MAP3K3: variants seen among roughly 807,000 people sequenced by gnomAD.
MAP3K3 encodes the protein MAP/ERK kinase kinase 3.
MAP3K3 carries 12 observed loss-of-function variants against 80.9 expected under a neutral mutation model. That is an observed-to-expected ratio of 0.15 (90% confidence interval 0.10 to 0.24). The LOEUF (loss-of-function observed/expected upper bound fraction) is 0.24. MAP3K3 is among the 10% of genes least tolerant of loss of function. The pLI is 1.00. For missense variants in MAP3K3, 596 were observed against 834.7 expected (o/e 0.71, Z 3.52); for synonymous variants, 272 against 307.1 (o/e 0.89, Z 1.19).
intron 1 of MAP3K3, among the ~76,000 whole-genome samples, chr17:63,629,672 A>G (rs17549954): frequency 0.23 from 35,696 of 152,212 alleles, 4,385 homozygotes; most frequent in Middle Eastern, 0.34. Context: ...TCAGTTGAAG[A>G]ACCTGTCTAC....
At chr17:63,685,263 G>A (rs2035424095) in intron 7 of MAP3K3, among the ~76,000 whole-genome samples, 1 of 152,224 alleles carries the variant, frequency 6.6e-6, no homozygotes. Context: ...AAGAAAAGCA[G>A]AGCCTCTGCT....
At chr17:63,634,704 TAAAGA>T in intron 2 of MAP3K3, 1 of 1,610,228 alleles carries the variant, frequency 6.2e-7, no homozygotes, top group Non-Finnish European at 8.5e-7. Context: ...TTTTTGTTTT[TAAAGA>T]AAAAACACAA....
chr17:63,685,291 C>G (rs754460824), intron 7 of MAP3K3, among the ~76,000 whole-genome samples: 1 of 152,244 alleles, frequency 6.6e-6, no homozygotes, highest in Non-Finnish European at 1.5e-5. Context: ...CCTGCCAGAG[C>G]TCCTTGGGAT....
chr17:63,646,241 A>G (rs1208967079), intron 3 of MAP3K3, among the ~76,000 whole-genome samples, 167 bp downstream of exon 3: 1 of 152,226 alleles, frequency 6.6e-6, no homozygotes, highest in African/African-American at 2.4e-5. Context: ...GTCTTGGCCT[A>G]CTAATTGAAC....
chr17:63,669,370 A>G (rs527767833), intron 6 of MAP3K3, among the ~76,000 whole-genome samples: 7 of 152,142 alleles, frequency 4.6e-5, no homozygotes, highest in African/African-American at 1.7e-4. Context: ...GGTGTTTTCT[A>G]AGGGACTCTC....
chr17:63,668,733 TG>T (rs1050707693), intron 6 of MAP3K3, among the ~76,000 whole-genome samples: 1 of 151,754 alleles, frequency 6.6e-6, no homozygotes, highest in Non-Finnish European at 1.5e-5. Flanking sequence ...TGCTGAGGAG[TG>T]AGATTTCTGT....
At chr17:63,682,576 A>T (rs934240123) in intron 7 of MAP3K3, 2 of 147,338 alleles carry the variant, frequency 1.4e-5, no homozygotes, top group African/African-American at 5.3e-5. Context: ...CTAAGCTCAG[A>T]TGGTTGTTGC....
chr17:63,674,211 G>C (rs909253481), intron 6 of MAP3K3, among the ~76,000 whole-genome samples: 1 of 152,134 alleles, frequency 6.6e-6, no homozygotes, highest in South Asian at 2.1e-4. Context: ...CCCATAGTGA[G>C]GCAAGCCATA....
intron 2 of MAP3K3, among the ~76,000 whole-genome samples, chr17:63,639,399 G>T (rs1204324119): frequency 1.3e-5 from 2 of 152,206 alleles, no homozygotes; most frequent in African/African-American, 4.8e-5. Context: ...GGTCCCTGTG[G>T]GGAACAAACA....
chr17:63,634,512 CT>C (rs1257896590), intron 2 of MAP3K3, among the ~76,000 whole-genome samples: 2 of 152,134 alleles, frequency 1.3e-5, no homozygotes, highest in Non-Finnish European at 2.9e-5. Flanking sequence ...AAGTCTTGAT[CT>C]TTTGCTGTGC....
intron 4 of MAP3K3, among the ~76,000 whole-genome samples, chr17:63,653,896 T>C (rs2034709746): frequency 6.6e-6 from 1 of 152,184 alleles, no homozygotes; most frequent in Admixed American, 6.5e-5. Flanking sequence ...AGACAGAGTC[T>C]TGCTCTGTCG....
At chr17:63,624,829 G>A (rs77654201) in intron 1 of MAP3K3, among the ~76,000 whole-genome samples, 1,979 of 152,280 alleles carry the variant, frequency 0.013, 47 homozygotes, top group African/African-American at 0.046. Context: ...CACTGTTAGA[G>A]CTAATATTGA....
chr17:63,654,657 A>G (rs556120558), intron 4 of MAP3K3, among the ~76,000 whole-genome samples: 2 of 152,312 alleles, frequency 1.3e-5, no homozygotes, highest in East Asian at 1.9e-4. Flanking sequence ...TGGTTGCACA[A>G]TTTTACAGTC....
At position 63,692,443 on chromosome 17, in the gene MAP3K3, C is replaced by A. The variant is rs756476823; in HGVS notation, c.1652+24C>A. 6.3e-7 allele frequency: 1 copy of A among 1,579,574 alleles called. No individual in the cohort carries two copies. Among genetic ancestry groups the A allele is most frequent in the Non-Finnish European group, 8.6e-7 (1 of 1,161,378 alleles). Reference sequence around the variant, plus strand: ...TGGTGAGCACTGGGACATGCAGAACCCATTCTTCCACCCAGGCCATAGTGG... The same window carrying A: ...TGGTGAGCACTGGGACATGCAGAACACATTCTTCCACCCAGGCCATAGTGG... On this transcript the variant is annotated intron_variant, in intron 15 of 15. Coordinates refer to ENST00000361733, the MANE Select transcript of MAP3K3 (RefSeq NM_002401.5). The surrounding 1 kb of genome is among the most constrained non-coding windows in gnomAD (Gnocchi z 4.5).
At chr17:63,649,580 G>A (rs983216436) in intron 3 of MAP3K3, among the ~76,000 whole-genome samples, 1 of 152,176 alleles carries the variant, frequency 6.6e-6, no homozygotes, top group African/African-American at 2.4e-5. Context: ...GCCATAGCCA[G>A]GTAATTTTTG....
At chr17:63,625,704 A>C (rs765526233) in intron 1 of MAP3K3, among the ~76,000 whole-genome samples, 1 of 152,172 alleles carries the variant, frequency 6.6e-6, no homozygotes, top group Admixed American at 6.5e-5. Context: ...AATTTGAATC[A>C]CAGTTTAATA....
chr17:63,663,032 C>T (rs1431319095), intron 5 of MAP3K3, among the ~76,000 whole-genome samples: 8 of 151,974 alleles, frequency 5.3e-5, no homozygotes, highest in Non-Finnish European at 1.2e-4. Flanking sequence ...CAGGTGCCTC[C>T]ACGGTTGGAA....
intron 2 of MAP3K3, among the ~76,000 whole-genome samples, chr17:63,641,700 G>T (rs1257806711): frequency 1.3e-5 from 2 of 152,202 alleles, no homozygotes; most frequent in Non-Finnish European, 2.9e-5. Flanking sequence ...GTGGCAAGCA[G>T]ATGAGCCTTG....
chr17:63,625,305 A>G (rs2034077993), intron 1 of MAP3K3, among the ~76,000 whole-genome samples: 1 of 151,854 alleles, frequency 6.6e-6, no homozygotes, highest in Non-Finnish European at 1.5e-5. Flanking sequence ...TTGCTTTGAT[A>G]CTATGTGGCT....
Sources: gnomAD v4.1 joint callset for allele counts (sites outside exome capture counted in the v4.1 genomes callset) on GRCh38, gnomAD v4.1.1 for gene constraint, Gnocchi (gnomAD v3.1) non-coding constraint, MANE v1.5 for transcripts, NCBI Gene and HGNC (gene_info 2026-07-23, HGNC 2026-07-21) for gene names.